The following GRIK2 variants were observed in gnomAD, a reference collection of about 807,000 sequenced individuals.
The protein encoded by GRIK2 is glutamate receptor ionotropic, kainate 2.
A neutral mutation model predicts 100.3 loss-of-function variants in GRIK2; 32 were observed. The ratio of observed to expected loss-of-function variants is 0.32; its 90% confidence interval spans 0.24 to 0.43. The LOEUF is 0.43. GRIK2 is among the 20% of genes least tolerant of loss of function. The pLI, the probability that GRIK2 is intolerant of heterozygous loss-of-function variation, is 1.00. For synonymous variants in GRIK2, 417 were observed against 389.4 expected (o/e 1.07, Z -0.83); for missense variants, 843 against 1,114.9 (o/e 0.76, Z 3.47).
chr6:101,393,731 G>T lies in GRIK2; in HGVS notation c.-400G>T, dbSNP rs958986083. On this transcript the variant is annotated 5_prime_UTR_variant, in exon 1 of 17. Transcript: ENST00000369134. ...TCACTCGCGCTCGGCGCCGGCGGCTGCGCTGGTCGGTCTGGTAGCTGGGGA... is the reference window on the plus strand; with the variant it reads ...TCACTCGCGCTCGGCGCCGGCGGCTTCGCTGGTCGGTCTGGTAGCTGGGGA... 6.6e-6 allele frequency among the ~76,000 whole-genome samples: 1 copy of T among 152,046 alleles called. No individual in the cohort carries two copies. The highest frequency in any genetic ancestry group is 2.4e-5 in the African/African-American group (1 of 41,458).
At position 101,763,645 on chromosome 6, in the gene GRIK2, G is replaced by A. The variant is rs569947654; in HGVS notation, c.952-36003G>A. 3.9e-5 allele frequency among the ~76,000 whole-genome samples: 6 copies of A among 152,182 alleles called. No homozygotes were observed. In the South Asian group the frequency reaches 1.2e-3, roughly 32 times the overall value. On this transcript the variant is annotated intron_variant, in intron 7 of 16. Coordinates refer to ENST00000369134, the MANE Select transcript of GRIK2 (RefSeq NM_021956.5). Reference sequence around the variant, plus strand: ...GTTCACTCAAGGTTTAAGAAATTTGGCCAGATGAAATAGTATAAATCTTTT... The same window carrying A: ...GTTCACTCAAGGTTTAAGAAATTTGACCAGATGAAATAGTATAAATCTTTT...
intron 2 of GRIK2, among the ~76,000 whole-genome samples, chr6:101,549,293 T>G (rs553044471): frequency 1.6e-5 from 2 of 121,356 alleles, no homozygotes; most frequent in Non-Finnish European, 1.8e-5. Context: ...AAAAAAAGAT[T>G]GTATGTAGTA....
intron 10 of GRIK2, among the ~76,000 whole-genome samples, chr6:101,842,353 C>A (rs1029034228): frequency 6.6e-6 from 1 of 152,082 alleles, no homozygotes. Flanking sequence ...TCTACTCATA[C>A]CTTTTTCTGG....
In GRIK2 at chr6:101,742,841, G is replaced by A. The variant is rs144323217; in HGVS notation, c.951+56488G>A. ...TAAAGTCTGTGTTGATGTTAATGCCGGAGAGGTATAATGAGGCATGCTAGA... is the reference window on the plus strand; with the variant it reads ...TAAAGTCTGTGTTGATGTTAATGCCAGAGAGGTATAATGAGGCATGCTAGA... On this transcript the variant is annotated intron_variant, in intron 7 of 16. Transcript: ENST00000369134. Among the ~76,000 whole-genome samples the A allele has an allele frequency of 3.3e-3, 505 of 152,152 alleles. 3 individuals are homozygous for A. Among genetic ancestry groups the A allele is most frequent in the African/African-American group, 0.012 (480 of 41,506 alleles).
chr6:101,789,681 C>T (rs979090274), intron 7 of GRIK2, among the ~76,000 whole-genome samples: 16 of 152,190 alleles, frequency 1.1e-4, no homozygotes, highest in African/African-American at 2.2e-4. Flanking sequence ...ATTGACTTGG[C>T]GATGCGGGCT....
At chr6:101,520,703 C>T (rs1368452854) in intron 2 of GRIK2, among the ~76,000 whole-genome samples, 2 of 152,024 alleles carry the variant, frequency 1.3e-5, no homozygotes, top group African/African-American at 4.8e-5. Context: ...TTTAAAACTA[C>T]AAACAAAAGC....
intron 11 of GRIK2, among the ~76,000 whole-genome samples, chr6:101,876,571 G>A (rs1250879310): frequency 1.3e-5 from 2 of 151,696 alleles, no homozygotes; most frequent in Admixed American, 6.6e-5. Flanking sequence ...GAAAGTGCCA[G>A]AGGCCTGTCA....
intron 14 of GRIK2, among the ~76,000 whole-genome samples, chr6:101,998,812 C>A (rs200283612): frequency 9.1e-6 from 1 of 110,076 alleles, no homozygotes; most frequent in Admixed American, 1.1e-4. Flanking sequence ...TTTTTCTTTT[C>A]TTTTTTTTTT....
At chr6:101,778,711 C>G (rs994129957) in intron 7 of GRIK2, among the ~76,000 whole-genome samples, 6 of 152,036 alleles carry the variant, frequency 3.9e-5, no homozygotes, top group African/African-American at 1.2e-4. Context: ...TACTAACGTT[C>G]TGTTCTGTAT....
intron 4 of GRIK2, among the ~76,000 whole-genome samples, chr6:101,636,846 G>A (rs1418111385): frequency 6.6e-6 from 1 of 151,900 alleles, no homozygotes; most frequent in African/African-American, 2.4e-5. Context: ...TAAGCATATT[G>A]GCATGCACAT....
In GRIK2 at chr6:101,623,403, A is replaced by G. The variant is rs76610385; in HGVS notation, c.283+1287A>G. On this transcript the variant is annotated intron_variant, in intron 3 of 16. Coordinates refer to ENST00000369134, the MANE Select transcript of GRIK2 (RefSeq NM_021956.5). ...GTTAAAGGTAACTGTGAAATATTAC[A>G]TTTGTCATCATAATTGCAAAATAAA... Among the ~76,000 whole-genome samples, 881 of 152,202 alleles carry G rather than the reference A, an allele frequency of 5.8e-3. 5 individuals carry two copies. Among genetic ancestry groups the G allele is most frequent in the African/African-American group, 0.018 (748 of 41,566 alleles).
chr6:101,394,386 T>C lies in GRIK2; in HGVS notation c.-294+549T>C, dbSNP rs756923110. ...TGGGCAGTGTTACCAGGGTGGATCA[T>C]AAACCTCAAGAACTTTTAACGAACC... On this transcript the variant is annotated intron_variant, in intron 1 of 16. Coordinates refer to ENST00000369134, the MANE Select transcript of GRIK2 (RefSeq NM_021956.5). Among the ~76,000 whole-genome samples, 63 of 152,230 alleles carry C rather than the reference T, an allele frequency of 4.1e-4. 1 individual carries two copies. The highest frequency in any genetic ancestry group is 2.6e-4 in the Admixed American group (4 of 15,292).
At chr6:101,996,625 A>G (rs1042256791) in intron 14 of GRIK2, among the ~76,000 whole-genome samples, 3 of 152,144 alleles carry the variant, frequency 2.0e-5, no homozygotes, top group Admixed American at 6.6e-5. Context: ...ATCACCAGTG[A>G]CAAACACGTT....
intron 7 of GRIK2, among the ~76,000 whole-genome samples, chr6:101,787,020 T>C (rs1209966318): frequency 1.3e-5 from 2 of 152,110 alleles, no homozygotes; most frequent in Non-Finnish European, 2.9e-5. Flanking sequence ...TCAGTTTTTC[T>C]ACTTCTTTCT....
chr6:101,620,710 G>C (rs1422748055), intron 2 of GRIK2, among the ~76,000 whole-genome samples: 1 of 152,130 alleles, frequency 6.6e-6, no homozygotes, highest in Admixed American at 6.6e-5. Flanking sequence ...AATTTGAAAG[G>C]AAGAAAGATA....
chr6:101,459,500 A>G (rs889375883), intron 2 of GRIK2, among the ~76,000 whole-genome samples: 3 of 152,214 alleles, frequency 2.0e-5, no homozygotes, highest in Non-Finnish European at 4.4e-5. Context: ...GACAGAAGCT[A>G]CGCATTTTTT....
chr6:101,444,904 G>A (rs1352378888), intron 2 of GRIK2, among the ~76,000 whole-genome samples: 1 of 152,022 alleles, frequency 6.6e-6, no homozygotes, highest in Non-Finnish European at 1.5e-5. Flanking sequence ...CACCGCATCT[G>A]CTATATATTA....
At chr6:101,509,214 A>C (rs889286493) in intron 2 of GRIK2, among the ~76,000 whole-genome samples, 1 of 151,398 alleles carries the variant, frequency 6.6e-6, no homozygotes, top group Non-Finnish European at 1.5e-5. Flanking sequence ...AGCTGTGAGG[A>C]TTAAATTTTA....
intron 7 of GRIK2, among the ~76,000 whole-genome samples, chr6:101,787,076 T>C (rs1186924051): frequency 2.0e-5 from 3 of 152,024 alleles, no homozygotes; most frequent in Non-Finnish European, 4.4e-5. Flanking sequence ...AATTTATCCA[T>C]TTCCTATAAA....
Sources: allele counts gnomAD v4.1 joint callset (sites outside exome capture counted in the v4.1 genomes callset), GRCh38; gene constraint gnomAD v4.1.1; transcripts MANE v1.5; gene names NCBI Gene and HGNC (gene_info 2026-07-23, HGNC 2026-07-21).